The following FDFT1 variants were observed in gnomAD, a reference collection of about 807,000 sequenced individuals.
FDFT1 encodes the protein farnesyl-diphosphate farnesyltransferase 1, also known as squalene synthase.
FDFT1 carries 68 observed loss-of-function variants against 46.8 expected under a neutral mutation model. The ratio of observed to expected loss-of-function variants is 1.45; its 90% CI spans 1.19 to 1.78. The LOEUF is 1.78. FDFT1 is among the 40% of genes most tolerant of loss of function. The probability of loss-of-function intolerance (pLI) is 0.00; values close to 1 mark genes in which losing one functional copy is unlikely to be tolerated. For synonymous variants in FDFT1, 351 were observed against 185.1 expected (o/e 1.90, Z -7.28); for missense variants, 928 against 524.4 (o/e 1.77, Z -7.52).
chr8:11,813,378 A>G (rs866016497), intron 3 of FDFT1, among the ~76,000 whole-genome samples: 1 of 152,220 alleles, frequency 6.6e-6, no homozygotes, highest in African/African-American at 2.4e-5. Context: ...TACTTACTAA[A>G]TATATTTCAT....
intron 3 of FDFT1, among the ~76,000 whole-genome samples, chr8:11,815,649 G>C (rs1305059616): frequency 1.3e-5 from 2 of 152,156 alleles, no homozygotes; most frequent in Non-Finnish European, 2.9e-5. Flanking sequence ...TCATATGTCT[G>C]TTGGCTGCAT....
chr8:11,816,051 G>A (rs988931203), intron 3 of FDFT1, among the ~76,000 whole-genome samples: 5 of 152,204 alleles, frequency 3.3e-5, no homozygotes, highest in African/African-American at 7.2e-5. Flanking sequence ...TGTATAAGAT[G>A]TAAGGAAGGG....
intron 3 of FDFT1, among the ~76,000 whole-genome samples, chr8:11,820,467 A>G (rs1809072196): frequency 7.0e-6 from 1 of 142,798 alleles, no homozygotes; most frequent in African/African-American, 2.5e-5. Context: ...TGCAATCTAG[A>G]GAGGCAGTAG....
upstream of FDFT1, chr8:11,802,483 T>C (rs1024968830): frequency 2.1e-6 from 1 of 482,400 alleles, no homozygotes; most frequent in Non-Finnish European, 4.1e-6. Flanking sequence ...AAGGCCCGGC[T>C]CCATCAGGGC....
At position 11,821,894 on chromosome 8, in the gene FDFT1, C is replaced by T. The variant is rs1262843353; in HGVS notation, c.510+16C>T. On this transcript the variant is annotated intron_variant, in intron 4 of 7. Coordinates refer to ENST00000220584, the MANE Select transcript of FDFT1 (RefSeq NM_004462.5). ...GTGGGACAAGGTTAGTCTCATAAAA[C>T]AGTGTCTGTGTGTGATGTATTAGAC... The T allele has an allele frequency of 1.9e-6, 3 of 1,611,052 alleles. No individual in the cohort carries two copies. Among genetic ancestry groups the T allele is most frequent in the Non-Finnish European group, 2.5e-6 (3 of 1,177,996 alleles).
intron 4 of FDFT1, among the ~76,000 whole-genome samples, chr8:11,822,967 T>A (rs1456065484): frequency 2.0e-5 from 3 of 152,112 alleles, no homozygotes; most frequent in Non-Finnish European, 4.4e-5. Flanking sequence ...TTAAAAAAAA[T>A]TTTTTTTGAG....
chr8:11,826,364 A>G, intron 5 of FDFT1, 149 bp downstream of exon 5: 1 of 525,492 alleles, frequency 1.9e-6, no homozygotes, highest in South Asian at 3.4e-5. Context: ...GCTTGACATG[A>G]GTTTGCTTCA....
At chr8:11,806,681 T>C (rs1009811023) in intron 1 of FDFT1, among the ~76,000 whole-genome samples, 5 of 152,212 alleles carry the variant, frequency 3.3e-5, no homozygotes, top group Non-Finnish European at 7.3e-5. Context: ...AAACACTTCC[T>C]GCTGTAGCCT....
Position 11,802,741 on chromosome 8 carries a change from G to A in FDFT1, c.-92G>A, listed in dbSNP as rs1257638320. ...CTGCCCCCTGTCCGGCCAGCCCCTC[G>A]AAGCACCTACTCCACAGGTCCAGCC... On this transcript the variant is annotated 5_prime_UTR_variant, in exon 1 of 8. Coordinates refer to ENST00000220584, the MANE Select transcript of FDFT1 (RefSeq NM_004462.5). 2.0e-6 allele frequency: 2 copies of A among 984,886 alleles called. No homozygotes were observed. The highest frequency in any genetic ancestry group is 4.1e-5 in the Admixed American group (2 of 48,614). The allele number at this position is 984,886 out of a possible 1,614,324, so 61.0% of individuals were successfully genotyped here. A position where few individuals can be genotyped will look rare whatever the true frequency, so the allele number is the denominator to read the frequency against.
intron 3 of FDFT1, among the ~76,000 whole-genome samples, chr8:11,818,492 C>CT (rs1808772402): frequency 6.6e-6 from 1 of 152,046 alleles, no homozygotes; most frequent in South Asian, 2.1e-4. Context: ...TAATGAGAGA[C>CT]TTTAAGTCTT....
At chr8:11,829,612 G>T (rs1810492232) in intron 5 of FDFT1, among the ~76,000 whole-genome samples, 1 of 151,930 alleles carries the variant, frequency 6.6e-6, no homozygotes, top group Non-Finnish European at 1.5e-5. Context: ...TCAGAAGTAG[G>T]CCAGTAGCTC....
upstream of FDFT1, among the ~76,000 whole-genome samples, chr8:11,800,692 C>T (rs1466657060): frequency 6.6e-6 from 1 of 152,204 alleles, no homozygotes; most frequent in South Asian, 2.1e-4. Flanking sequence ...ACATGAAGTA[C>T]ATTGATTTCT....
intron 5 of FDFT1, among the ~76,000 whole-genome samples, chr8:11,828,504 C>T (rs938894501): frequency 1.6e-4 from 24 of 152,210 alleles, no homozygotes; most frequent in African/African-American, 5.8e-4. Context: ...GTCTCAGTCT[C>T]CCGGCTCCTA....
chr8:11,807,182 C>T (rs957700519), intron 1 of FDFT1, among the ~76,000 whole-genome samples: 2 of 152,038 alleles, frequency 1.3e-5, no homozygotes, highest in African/African-American at 2.4e-5. Flanking sequence ...GAGATGGGGT[C>T]CCACTCTGCA....
Position 11,809,687 on chromosome 8 carries a change from A to T in FDFT1, c.218A>T (p.Tyr73Phe). The change falls in exon 3 of 8, where the codon TAT (tyrosine) becomes TTT (phenylalanine). Residue 73 changes from tyrosine to phenylalanine, a missense_variant. Physicochemically the swap from Tyr to Phe is conservative, Grantham distance 22 (BLOSUM62 3). Coordinates refer to ENST00000220584, the MANE Select transcript of FDFT1 (RefSeq NM_004462.5). ...GEMRNAVCIFYLVLRALDTLE... is the reference protein window; with the variant it reads ...GEMRNAVCIFFLVLRALDTLE... ...TACAGCAACGCAGTGTGCATATTTT[A>T]TCTGGTTCTCCGAGCTCTGGACACA... is the stretch of plus-strand genomic sequence containing the variant. 6.2e-7 allele frequency: 1 copy of T among 1,613,044 alleles called. No homozygotes were observed. Among genetic ancestry groups the T allele is most frequent in the Non-Finnish European group, 8.5e-7 (1 of 1,179,610 alleles).
At chr8:11,827,534 CAG>C (rs749462138) in intron 5 of FDFT1, among the ~76,000 whole-genome samples, 49 of 150,648 alleles carry the variant, frequency 3.3e-4, no homozygotes, top group Admixed American at 8.6e-4. Flanking sequence ...AAAAAAGTGA[CAG>C]AGGGAAACAA....
intron 3 of FDFT1, among the ~76,000 whole-genome samples, chr8:11,814,447 A>G (rs1027952227): frequency 6.6e-6 from 1 of 152,048 alleles, no homozygotes; most frequent in African/African-American, 2.4e-5. Flanking sequence ...ATTCCGAGGA[A>G]GTTTTTCTAA....
rs1020323478 is a variant in FDFT1, at chr8:11,834,437, C to T, written c.1032+2767C>T. Among the ~76,000 whole-genome samples, 10 of 152,146 alleles carry T rather than the reference C, an allele frequency of 6.6e-5. No individual in the cohort carries two copies. The East Asian group carries it at 9.7e-4, about 15-fold the overall frequency. On this transcript the variant is annotated intron_variant, in intron 7 of 7. Transcript: ENST00000220584. The stretch of plus-strand genomic sequence containing the variant: ...ATTCCTTGGCAGGGAGAATCTTGTT[C>T]GTGTCTCTGCACACTTCCTGTGCCC...
At chr8:11,797,420 C>T (rs529663665), upstream of FDFT1, among the ~76,000 whole-genome samples, 27 of 152,286 alleles carry the variant, frequency 1.8e-4, no homozygotes, top group Admixed American at 5.2e-4. Context: ...TCTGTTTCTT[C>T]CTCTGCATTG....
Sources: allele counts gnomAD v4.1 joint callset (sites outside exome capture counted in the v4.1 genomes callset), GRCh38; gene constraint gnomAD v4.1.1; transcripts MANE v1.5; gene names NCBI Gene and HGNC (gene_info 2026-07-23, HGNC 2026-07-21).